The following ARHGAP39 variants were observed in gnomAD, a reference collection of about 807,000 sequenced individuals.
ARHGAP39 encodes Rho GTPase activating protein 39.
Under a neutral mutation model 106.9 loss-of-function variants are expected in ARHGAP39, and 44 were observed. That is an observed-to-expected ratio of 0.41 (90% CI 0.32 to 0.53). ARHGAP39 has a LOEUF of 0.53. Ranked by LOEUF, ARHGAP39 falls within the 20% of genes least tolerant of loss-of-function variation. The pLI, the probability that ARHGAP39 is intolerant of heterozygous loss-of-function variation, is 0.21. For missense variants in ARHGAP39, 1,496 were observed against 1,577.3 expected (o/e 0.95, Z 0.87); for synonymous variants, 768 against 693.2 (o/e 1.11, Z -1.69).
intron 1 of ARHGAP39, among the ~76,000 whole-genome samples, chr8:144,606,781 C>T (rs901620284): frequency 6.6e-6 from 1 of 151,992 alleles, no homozygotes; most frequent in African/African-American, 2.4e-5. Flanking sequence ...CATCCAATCT[C>T]GTACGTAAAA....
At chr8:144,668,247 G>C (rs1401538864) in intron 1 of ARHGAP39, among the ~76,000 whole-genome samples, 3 of 152,070 alleles carry the variant, frequency 2.0e-5, no homozygotes, top group African/African-American at 7.2e-5. Flanking sequence ...TTTGAGACCT[G>C]CCTGGACAAC....
In ARHGAP39 at chr8:144,644,689, T is replaced by C. The variant is rs1204110899; in HGVS notation, c.-81-38994A>G. Among the ~76,000 whole-genome samples, 1 of 152,216 alleles carries C rather than the reference T, an allele frequency of 6.6e-6. No individual in the cohort carries two copies. The highest frequency in any genetic ancestry group is 1.5e-5 in the Non-Finnish European group (1 of 68,038). Reference sequence around the variant, plus strand: ...ACAGGCCCTTGGGAGCAGTGCAGTCTGCAGGACTTCATCATCAACCCAGGC... The same window carrying C: ...ACAGGCCCTTGGGAGCAGTGCAGTCCGCAGGACTTCATCATCAACCCAGGC... On this transcript the variant is annotated intron_variant, in intron 1 of 11. Coordinates refer to ENST00000377307, the MANE Select transcript of ARHGAP39 (RefSeq NM_025251.3). The surrounding 1 kb of genome is among the most constrained non-coding windows in gnomAD (Gnocchi z 4.8).
At chr8:144,695,420 C>T in the ARHGAP39 span, among the ~76,000 whole-genome samples, 64 of 147,246 alleles carry the variant, frequency 4.3e-4, no homozygotes, top group Middle Eastern at 3.5e-3. Context: ...ATCCTCACCA[C>T]GACCCTGTTT....
rs1301141253 is a variant in ARHGAP39 at position 144,671,718 on chromosome 8, A to AGG, written c.-82+13966_-82+13967dup. On this transcript the variant is annotated intron_variant, in intron 1 of 11. Coordinates refer to ENST00000377307, the MANE Select transcript of ARHGAP39 (RefSeq NM_025251.3). The surrounding 1 kb of genome is among the most constrained non-coding windows in gnomAD (Gnocchi z 4.5). Reference sequence around the variant, plus strand: ...CACGCCCCTCCCGGCCAGCCACCCTAGGGTTCTCCCTACGACCCCAGGCAC... The same window carrying AGG: ...CACGCCCCTCCCGGCCAGCCACCCTAGGGGGTTCTCCCTACGACCCCAGGCAC... Among the ~76,000 whole-genome samples, 1 of 152,080 alleles carries AGG rather than the reference A, an allele frequency of 6.6e-6. No individual in the cohort carries two copies. Among genetic ancestry groups the AGG allele is most frequent in the African/African-American group, 2.4e-5 (1 of 41,410 alleles).
chr8:144,633,285 C>T (rs1425910011), intron 1 of ARHGAP39, among the ~76,000 whole-genome samples: 5 of 152,060 alleles, frequency 3.3e-5, no homozygotes, highest in African/African-American at 1.2e-4. Context: ...GGTGAAACCC[C>T]GTCTCTACTA....
intron 4 of ARHGAP39, among the ~76,000 whole-genome samples, chr8:144,551,607 C>T (rs975011477): frequency 2.0e-5 from 3 of 152,144 alleles, no homozygotes; most frequent in Non-Finnish European, 4.4e-5. Flanking sequence ...GTCTCTTGCC[C>T]TGCCCCACCC....
Position 144,530,376 on chromosome 8 carries a change from C to G in ARHGAP39, c.*46G>C, listed in dbSNP as rs1323768998. 1 of 1,541,792 alleles carries G rather than the reference C, an allele frequency of 6.5e-7. No homozygotes were observed. Among genetic ancestry groups the G allele is most frequent in the Non-Finnish European group, 8.8e-7 (1 of 1,138,120 alleles). ...CGGGAGAGCGAGTGCGGAGTTCGGCCTGGCTGGGGGCGGCAGGACATCCCT... is the reference window on the plus strand; with the variant it reads ...CGGGAGAGCGAGTGCGGAGTTCGGCGTGGCTGGGGGCGGCAGGACATCCCT... On this transcript the variant is annotated 3_prime_UTR_variant, in exon 12 of 12. Transcript: ENST00000377307.
intron 1 of ARHGAP39, among the ~76,000 whole-genome samples, chr8:144,650,762 A>G (rs907355455): frequency 6.6e-6 from 1 of 152,206 alleles, no homozygotes; most frequent in Non-Finnish European, 1.5e-5. Context: ...CCTCAAAATA[A>G]TAAGGGCCAT....
chr8:144,582,179 A>G (rs929855480), intron 2 of ARHGAP39, among the ~76,000 whole-genome samples: 1 of 152,200 alleles, frequency 6.6e-6, no homozygotes, highest in Non-Finnish European at 1.5e-5. Flanking sequence ...AGCGGACACC[A>G]GGCCCAGACA....
intron 7 of ARHGAP39, among the ~76,000 whole-genome samples, chr8:144,535,468 T>C (rs1816917313): frequency 6.6e-6 from 1 of 152,234 alleles, no homozygotes; most frequent in Admixed American, 6.5e-5. Flanking sequence ...GAGGTACCCT[T>C]GTTTTTCTAG....
Position 144,563,143 on chromosome 8 carries a change from T to C in ARHGAP39, c.513-7500A>G, listed in dbSNP as rs746473502. Among the ~76,000 whole-genome samples, 105 of 152,260 alleles carry C rather than the reference T, an allele frequency of 6.9e-4. 4 individuals carry two copies. Among genetic ancestry groups the C allele is most frequent in the Non-Finnish European group, 1.5e-4 (10 of 68,040 alleles). ...GAATATATGTGGATCAGAAAAGGCT[T>C]ACTTAGACAAACTTACAAAGCTTAT... On this transcript the variant is annotated intron_variant, in intron 3 of 11. Coordinates refer to ENST00000377307, the MANE Select transcript of ARHGAP39 (RefSeq NM_025251.3).
At chr8:144,629,760 C>A (rs953859344) in intron 1 of ARHGAP39, among the ~76,000 whole-genome samples, 6 of 152,040 alleles carry the variant, frequency 3.9e-5, no homozygotes, top group African/African-American at 1.5e-4. Context: ...GGTGGGGCTG[C>A]GACAGGAAGA....
chr8:144,550,771 G>C (rs1457464417), intron 4 of ARHGAP39, among the ~76,000 whole-genome samples: 1 of 152,250 alleles, frequency 6.6e-6, no homozygotes, highest in Non-Finnish European at 1.5e-5. Context: ...AGAGTGGATG[G>C]TGGCAGCCAG....
At chr8:144,637,543 G>A (rs1322054523) in intron 1 of ARHGAP39, among the ~76,000 whole-genome samples, 1 of 152,246 alleles carries the variant, frequency 6.6e-6, no homozygotes, top group African/African-American at 2.4e-5. Context: ...CCGGGAGGCA[G>A]AGGTTGCAGT....
chr8:144,567,881 T>A (rs1200811805), intron 3 of ARHGAP39, among the ~76,000 whole-genome samples: 2 of 152,134 alleles, frequency 1.3e-5, no homozygotes, highest in Non-Finnish European at 2.9e-5. Context: ...TTGTCTTGTA[T>A]CCAATAAATA....
At chr8:144,681,874 G>T (rs1210076344) in intron 1 of ARHGAP39, among the ~76,000 whole-genome samples, 1 of 151,744 alleles carries the variant, frequency 6.6e-6, no homozygotes, top group Non-Finnish European at 1.5e-5. Context: ...GATTTTCTAA[G>T]GTAAAGCTAA....
intron 2 of ARHGAP39, among the ~76,000 whole-genome samples, chr8:144,602,291 G>GTA (rs1407999778): frequency 2.1e-5 from 3 of 142,870 alleles, no homozygotes; most frequent in African/African-American, 8.0e-5. Context: ...GGAGGCGTGT[G>GTA]TGCTCGTGTA....
At chr8:144,601,390 G>GTGCA (rs1819929901) in intron 2 of ARHGAP39, among the ~76,000 whole-genome samples, 4 of 145,412 alleles carry the variant, frequency 2.8e-5, no homozygotes, top group African/African-American at 7.7e-5. Context: ...GCGTTGAGGC[G>GTGCA]TGTGTGCTCG....
chr8:144,553,991 G>A (rs576379542), intron 4 of ARHGAP39, among the ~76,000 whole-genome samples: 71 of 152,342 alleles, frequency 4.7e-4, no homozygotes, highest in African/African-American at 1.5e-3. Context: ...GCCCTGTGTC[G>A]GGGGGCCTGG....
Sources: gnomAD v4.1 joint callset for allele counts (sites outside exome capture counted in the v4.1 genomes callset) on GRCh38, gnomAD v4.1.1 for gene constraint, Gnocchi (gnomAD v3.1) non-coding constraint, MANE v1.5 for transcripts, NCBI Gene and HGNC (gene_info 2026-07-23, HGNC 2026-07-21) for gene names.